Variants in GLO1 observed in about 807,000 individuals in gnomAD.
GLO1 encodes glyoxalase I.
In GLO1, 28 loss-of-function variants were observed where a neutral mutation model predicts 26.0. The ratio of observed to expected loss-of-function variants is 1.08; its 90% CI spans 0.80 to 1.48. The LOEUF is 1.48. Among genes scored for constraint, GLO1 ranks in the 40% most tolerant of loss-of-function variants. The probability of loss-of-function intolerance (pLI) is 0.00; values close to 1 mark genes in which losing one functional copy is unlikely to be tolerated. For missense variants in GLO1, 225 were observed against 224.8 expected (o/e 1.00, Z -0.01); for synonymous variants, 78 against 77.6 (o/e 1.00, Z -0.03).
rs549702938 is a variant in GLO1, at chr6:38,695,829, A to G, written c.84+7142T>C. Among the ~76,000 whole-genome samples, 4 of 152,224 alleles carry G rather than the reference A, an allele frequency of 2.6e-5. No individual in the cohort carries two copies. In the South Asian group the frequency reaches 8.3e-4, roughly 32 times the overall value. On this transcript the variant is annotated intron_variant, in intron 1 of 5. Coordinates refer to ENST00000373365, the MANE Select transcript of GLO1 (RefSeq NM_006708.3). The stretch of plus-strand genomic sequence containing the variant: ...CCATTTCCAGGTCCTGTGGCTAGAG[A>G]GCAGGCTTTCATTAGGCTTTTTTTT...
chr6:38,682,251 A>C, intron 4 of GLO1, 150 bp from the exon 5 acceptor site: 2 of 608,796 alleles, frequency 3.3e-6, no homozygotes, highest in Non-Finnish European at 5.9e-6. Flanking sequence ...TCTATAATAC[A>C]TTAAAGAACA....
chr6:38,702,154 C>G (rs1761712725), intron 1 of GLO1, among the ~76,000 whole-genome samples: 1 of 152,054 alleles, frequency 6.6e-6, no homozygotes. Flanking sequence ...GTCTCTACCT[C>G]TTGACCTCGT....
Position 38,682,807 on chromosome 6 carries a change from C to T in GLO1, c.376+1G>A. The T allele has an allele frequency of 6.4e-7, 1 of 1,566,146 alleles. No homozygotes were observed. Among genetic ancestry groups the T allele is most frequent in the East Asian group, 2.2e-5 (1 of 44,664 alleles). ...TATCACATAAAAACAGGCAAACTTA[C>T]CGAATCCTCGAGGGTCTGAATTGCC... On this transcript the variant is annotated splice_donor_variant, in intron 4 of 5. Transcript: ENST00000373365. LOFTEE classifies it high-confidence loss of function.
intron 1 of GLO1, among the ~76,000 whole-genome samples, chr6:38,687,564 T>C (rs1176826721): frequency 1.3e-5 from 2 of 152,174 alleles, no homozygotes; most frequent in African/African-American, 2.4e-5. Context: ...GACTCCTAAA[T>C]AACTAAAAGG....
chr6:38,693,833 C>T (rs1387248811), intron 1 of GLO1, among the ~76,000 whole-genome samples: 6 of 152,018 alleles, frequency 3.9e-5, no homozygotes, highest in Non-Finnish European at 7.4e-5. Context: ...GCTTCAGCCT[C>T]CCGAGTAGCT....
intron 1 of GLO1, among the ~76,000 whole-genome samples, chr6:38,700,186 C>T (rs1181158555): frequency 3.9e-5 from 6 of 152,172 alleles, no homozygotes; most frequent in East Asian, 3.9e-4. Context: ...AAAGAACCTA[C>T]GTTGAAATAT....
At chr6:38,702,055 C>T (rs1489048280) in intron 1 of GLO1, among the ~76,000 whole-genome samples, 2 of 151,898 alleles carry the variant, frequency 1.3e-5, no homozygotes, top group Non-Finnish European at 2.9e-5. Context: ...CTCAGCCTCC[C>T]GAGTAGCTGG....
chr6:38,683,004 A>G, intron 3 of GLO1, 129 bp from the exon 4 acceptor site: 1 of 612,408 alleles, frequency 1.6e-6, no homozygotes, highest in Non-Finnish European at 3.0e-6. Context: ...CTGCTACAAA[A>G]ATATTAAGTT....
At chr6:38,692,523 T>C (rs1273273819) in intron 1 of GLO1, among the ~76,000 whole-genome samples, 4 of 152,152 alleles carry the variant, frequency 2.6e-5, no homozygotes, top group Non-Finnish European at 5.9e-5. Context: ...CCTATATGTC[T>C]CTTATTTCCT....
chr6:38,690,861 T>A (rs1190109731), intron 1 of GLO1, among the ~76,000 whole-genome samples: 1 of 152,226 alleles, frequency 6.6e-6, no homozygotes, highest in East Asian at 1.9e-4. Context: ...CAAGTTATTC[T>A]ATGCTCAGAT....
At chr6:38,681,103 G>T (rs1020199153) in intron 5 of GLO1, among the ~76,000 whole-genome samples, 1 of 151,948 alleles carries the variant, frequency 6.6e-6, no homozygotes, top group South Asian at 2.1e-4. Flanking sequence ...TCACTCTGTC[G>T]CCCAGGCTGG....
intron 1 of GLO1, among the ~76,000 whole-genome samples, chr6:38,689,897 G>A (rs1761508098): frequency 6.6e-6 from 1 of 151,928 alleles, no homozygotes; most frequent in Non-Finnish European, 1.5e-5. Flanking sequence ...TGAGATCTTG[G>A]CTCACTGCAA....
chr6:38,693,976 C>T (rs1170473627), intron 1 of GLO1, among the ~76,000 whole-genome samples: 2 of 152,148 alleles, frequency 1.3e-5, no homozygotes, highest in Non-Finnish European at 2.9e-5. Flanking sequence ...TCCCAAAGTG[C>T]TGGGATTACA....
Position 38,677,005 on chromosome 6 carries a change from AG to A in GLO1, c.*289del, listed in dbSNP as rs745836149. ...GCAGATTTGAAGGGAAGTAATATTT[AG>A]GTGGCAGAAGAAGGCAAATGCAGCC... On this transcript the variant is annotated 3_prime_UTR_variant, in exon 6 of 6. Coordinates refer to ENST00000373365, the MANE Select transcript of GLO1 (RefSeq NM_006708.3). 1.2e-4 allele frequency: 33 copies of A among 276,890 alleles called. No individual in the cohort carries two copies. Among genetic ancestry groups the A allele is most frequent in the Non-Finnish European group, 2.1e-4 (31 of 150,510 alleles). 17.2% of individuals were successfully genotyped at this position (276,890 alleles called of 1,614,324 possible).
At chr6:38,697,723 T>C (rs1254412541) in intron 1 of GLO1, among the ~76,000 whole-genome samples, 2 of 152,368 alleles carry the variant, frequency 1.3e-5, no homozygotes, top group East Asian at 3.8e-4. Context: ...TTGTTAACTC[T>C]TTATTACTAG....
rs1200341644 is a variant in GLO1 at position 38,693,681 on chromosome 6, C to CTATA, written c.85-6708_85-6707insTATA. Among the ~76,000 whole-genome samples, 634 of 94,274 alleles carry CTATA rather than the reference C, an allele frequency of 6.7e-3. 3 individuals are homozygous for CTATA. Among genetic ancestry groups the CTATA allele is most frequent in the African/African-American group, 0.016 (408 of 25,094 alleles). The allele number at this position is 94,274 out of a possible 152,430, so 61.8% of individuals were successfully genotyped here. ...CAGCTCTCTCTCTCTCTCTCTCTCT[C>CTATA]TCTCTATATATATATATATATATAT... is the stretch of plus-strand genomic sequence containing the variant. On this transcript the variant is annotated intron_variant, in intron 1 of 5. Coordinates refer to ENST00000373365, the MANE Select transcript of GLO1 (RefSeq NM_006708.3).
intron 5 of GLO1, among the ~76,000 whole-genome samples, chr6:38,678,738 T>A (rs563292741): frequency 3.3e-5 from 5 of 152,182 alleles, no homozygotes; most frequent in African/African-American, 4.8e-5. Flanking sequence ...CAGCCCTCTC[T>A]CCACGCCCAG....
chr6:38,695,022 C>T (rs1196604321), intron 1 of GLO1, among the ~76,000 whole-genome samples: 1 of 152,214 alleles, frequency 6.6e-6, no homozygotes, highest in Non-Finnish European at 1.5e-5. Flanking sequence ...AGACAGCATA[C>T]AGCTGGGGCA....
intron 5 of GLO1, among the ~76,000 whole-genome samples, chr6:38,680,507 G>A (rs1359571038): frequency 6.6e-6 from 1 of 152,180 alleles, no homozygotes; most frequent in Non-Finnish European, 1.5e-5. Flanking sequence ...GGCAACAAGA[G>A]CGAAACTCCG....
Sources: allele counts gnomAD v4.1 joint callset (sites outside exome capture counted in the v4.1 genomes callset), GRCh38; gene constraint gnomAD v4.1.1; transcripts MANE v1.5; gene names NCBI Gene and HGNC (gene_info 2026-07-23, HGNC 2026-07-21).